The following NEK11 variants were observed in gnomAD, a reference collection of about 807,000 sequenced individuals.
The protein encoded by NEK11 is NIMA related kinase 11.
In NEK11, 72 loss-of-function variants were observed where a neutral mutation model predicts 80.7. The ratio of observed to expected loss-of-function variants is 0.89; its 90% confidence interval spans 0.74 to 1.08. The LOEUF (loss-of-function observed/expected upper bound fraction) is 1.08. NEK11 is among the 50% of genes least tolerant of loss of function. The probability of loss-of-function intolerance (pLI) is 0.00; values close to 1 mark genes in which losing one functional copy is unlikely to be tolerated. For missense variants in NEK11, 764 were observed against 763.6 expected, an observed-to-expected ratio of 1.00 and a Z score of -0.01; for synonymous variants, 251 against 260.7, an observed-to-expected ratio of 0.96 and a Z score of 0.36.
chr3:131,264,537 A>T (rs2096007337), intron 16 of NEK11, among the ~76,000 whole-genome samples: 2 of 152,172 alleles, frequency 1.3e-5, no homozygotes, highest in African/African-American at 4.8e-5. Context: ...GTGTGGTATT[A>T]TTTCTGAGGG....
At chr3:131,056,381 A>G (rs116186358) in intron 3 of NEK11, among the ~76,000 whole-genome samples, 9 of 152,240 alleles carry the variant, frequency 5.9e-5, no homozygotes, top group African/African-American at 2.2e-4. Context: ...GTGCCTGAAG[A>G]TATTTTATTC....
intron 17 of NEK11, among the ~76,000 whole-genome samples, chr3:131,311,029 T>C (rs1457839321): frequency 1.3e-5 from 2 of 152,158 alleles, no homozygotes; most frequent in Non-Finnish European, 2.9e-5. Flanking sequence ...ATTAGTGGGG[T>C]TCCTGGGATC....
intron 5 of NEK11, among the ~76,000 whole-genome samples, chr3:131,119,853 A>G (rs1345471290): frequency 6.6e-6 from 1 of 151,948 alleles, no homozygotes; most frequent in Non-Finnish European, 1.5e-5. Context: ...CCATCCCTTT[A>G]TTTTGAGCCT....
At chr3:131,207,148 G>A (rs1038008621) in intron 14 of NEK11, among the ~76,000 whole-genome samples, 3 of 152,220 alleles carry the variant, frequency 2.0e-5, no homozygotes, top group African/African-American at 7.2e-5. Context: ...TGTCTTAATA[G>A]TAGCACGATT....
At chr3:131,333,250 C>A (rs2110110984) in intron 17 of NEK11, among the ~76,000 whole-genome samples, 1 of 152,326 alleles carries the variant, frequency 6.6e-6, no homozygotes, top group South Asian at 2.1e-4. Flanking sequence ...GGAAGCCCAT[C>A]AGACTACCAG....
intron 5 of NEK11, among the ~76,000 whole-genome samples, chr3:131,111,906 C>T (rs1488586891): frequency 6.6e-6 from 1 of 152,084 alleles, no homozygotes; most frequent in African/African-American, 2.4e-5. Flanking sequence ...GCACAGACAT[C>T]AAAAGGGGTT....
At chr3:131,327,953 C>T (rs1439378380) in intron 17 of NEK11, among the ~76,000 whole-genome samples, 1 of 152,112 alleles carries the variant, frequency 6.6e-6, no homozygotes, top group African/African-American at 2.4e-5. Context: ...CTTGTGGCTA[C>T]ATCTGCAGCA....
At chr3:131,094,008 G>A (rs896230932) in intron 4 of NEK11, among the ~76,000 whole-genome samples, 6 of 148,080 alleles carry the variant, frequency 4.1e-5, no homozygotes, top group Non-Finnish European at 7.4e-5. Context: ...TTTGCTTCTG[G>A]AGAAAAGCTT....
intron 9 of NEK11, 101 bp from the exon 10 acceptor site, chr3:131,154,935 G>T (rs2149839270): frequency 1.4e-6 from 1 of 691,454 alleles, no homozygotes; most frequent in Admixed American, 2.5e-5. Flanking sequence ...TCCCTGCCAT[G>T]GTCAAAAGCA....
At chr3:131,274,155 G>A in intron 17 of NEK11, among the ~76,000 whole-genome samples, 1 of 129,844 alleles carries the variant, frequency 7.7e-6, no homozygotes, top group East Asian at 2.3e-4. Flanking sequence ...TCCCCTTCCT[G>A]TGTCCATGTG....
chr3:131,181,542 G>C (rs565961085), intron 14 of NEK11, among the ~76,000 whole-genome samples: 52 of 151,966 alleles, frequency 3.4e-4, no homozygotes, highest in East Asian at 5.8e-4. Context: ...GTCAGGAGAT[G>C]GAGACCATCC....
chr3:131,117,730 T>C (rs1288442064), intron 5 of NEK11, among the ~76,000 whole-genome samples: 2 of 152,230 alleles, frequency 1.3e-5, no homozygotes. Flanking sequence ...TTTTATTCTC[T>C]TTGAAGCAAT....
intron 14 of NEK11, among the ~76,000 whole-genome samples, chr3:131,204,227 G>C (rs1004517334): frequency 5.9e-5 from 9 of 152,108 alleles, no homozygotes; most frequent in Admixed American, 5.2e-4. Flanking sequence ...GAAGGGCATG[G>C]ATGCTCCATG....
chr3:131,174,690 C>G, intron 14 of NEK11: 1 of 1,445,364 alleles, frequency 6.9e-7, no homozygotes, highest in Non-Finnish European at 9.5e-7. Flanking sequence ...ATATGTAATG[C>G]TAATGATATC....
chr3:131,253,504 T>A (rs2095747956), intron 16 of NEK11, among the ~76,000 whole-genome samples: 1 of 152,194 alleles, frequency 6.6e-6, no homozygotes, highest in Admixed American at 6.6e-5. Context: ...AAACATGACA[T>A]TTCCGTAGTT....
chr3:131,299,916 T>C (rs1474205173), intron 17 of NEK11, among the ~76,000 whole-genome samples: 1 of 152,232 alleles, frequency 6.6e-6, no homozygotes, highest in East Asian at 1.9e-4. Flanking sequence ...CTAGGATGAT[T>C]GGTAGTTCTA....
Position 131,117,747 on chromosome 3 carries a change from T to C in NEK11, c.455+7826T>C, listed in dbSNP as rs376614294. On this transcript the variant is annotated intron_variant, in intron 5 of 17. Coordinates refer to ENST00000383366, the MANE Select transcript of NEK11 (RefSeq NM_024800.5). The stretch of plus-strand genomic sequence containing the variant: ...TTATTCTCTTTGAAGCAATTGTGAA[T>C]GGGAATTCATTCATGATTTGGCTCT... Among the ~76,000 whole-genome samples, 430 of 152,328 alleles carry C rather than the reference T, an allele frequency of 2.8e-3. 9 individuals carry two copies. In the South Asian group the frequency reaches 0.03, roughly 11 times the overall value.
chr3:131,138,282 G>T (rs923877344), intron 7 of NEK11, among the ~76,000 whole-genome samples: 1 of 152,172 alleles, frequency 6.6e-6, no homozygotes, highest in African/African-American at 2.4e-5. Context: ...AATGTTCCCT[G>T]TAGGCCTGTA....
At chr3:131,332,001 C>G (rs563628436) in intron 17 of NEK11, among the ~76,000 whole-genome samples, 27 of 152,334 alleles carry the variant, frequency 1.8e-4, no homozygotes, top group African/African-American at 6.0e-4. Context: ...CTCAAGGAGG[C>G]CTGCCTGCCT....
Sources: allele counts gnomAD v4.1 joint callset (sites outside exome capture counted in the v4.1 genomes callset), GRCh38; gene constraint gnomAD v4.1.1; transcripts MANE v1.5; gene names NCBI Gene and HGNC (gene_info 2026-07-23, HGNC 2026-07-21).